The following CNTNAP5 variants were observed in gnomAD, a reference collection of about 807,000 sequenced individuals.
The protein encoded by CNTNAP5 is contactin associated protein family member 5, also known as contactin-associated protein-like 5.
A neutral mutation model predicts 150.2 loss-of-function variants in CNTNAP5; 72 were observed. The ratio of observed to expected loss-of-function variants is 0.48; its 90% CI spans 0.40 to 0.58. The LOEUF is 0.58. Ranked by LOEUF, CNTNAP5 falls within the 20% of genes least tolerant of loss-of-function variation. The probability of loss-of-function intolerance (pLI) is 0.00; values close to 1 mark genes in which losing one functional copy is unlikely to be tolerated. For missense variants in CNTNAP5, 1,636 were observed against 1,626.2 expected, an observed-to-expected ratio of 1.01 and a Z score of -0.10; for synonymous variants, 672 against 619.8, an observed-to-expected ratio of 1.08 and a Z score of -1.25.
chr2:124,707,417 T>A (rs1050136333), intron 13 of CNTNAP5, among the ~76,000 whole-genome samples: 20 of 152,198 alleles, frequency 1.3e-4, no homozygotes, highest in African/African-American at 4.6e-4. Context: ...GGAATAAAAA[T>A]ACCTCTAGAA....
chr2:124,794,862 G>T (rs1286452087), intron 18 of CNTNAP5, among the ~76,000 whole-genome samples: 1 of 152,042 alleles, frequency 6.6e-6, no homozygotes, highest in South Asian at 2.1e-4. Context: ...ATTGCTAAAA[G>T]ATAAGCACTC....
chr2:124,808,747 G>A (rs1373845517), intron 19 of CNTNAP5, among the ~76,000 whole-genome samples: 1 of 152,150 alleles, frequency 6.6e-6, no homozygotes, highest in African/African-American at 2.4e-5. Context: ...GGCTGCCTCT[G>A]CCCCAATGTT....
chr2:124,145,648 G>T (rs1245551754), intron 1 of CNTNAP5, among the ~76,000 whole-genome samples: 33 of 61,458 alleles, frequency 5.4e-4, no homozygotes, highest in Non-Finnish European at 7.7e-4. Context: ...CTGTGGTGGG[G>T]TCGGGGGAGG....
intron 4 of CNTNAP5, among the ~76,000 whole-genome samples, chr2:124,426,741 C>T (rs1205093414): frequency 6.6e-6 from 1 of 152,196 alleles, no homozygotes; most frequent in Non-Finnish European, 1.5e-5. Flanking sequence ...TGACAAGCTA[C>T]CAACATCCAT....
chr2:124,728,561 ATGAATGTAAAATATCT>A (rs1310219068), intron 13 of CNTNAP5, among the ~76,000 whole-genome samples: 1 of 152,100 alleles, frequency 6.6e-6, no homozygotes, highest in African/African-American at 2.4e-5. Context: ...CTTTATTTCA[ATGAATGTAAAATATCT>A]TTAAATATTT....
intron 2 of CNTNAP5, 52 bp from the exon 3 acceptor site, chr2:124,242,148 C>T (rs574701074): frequency 7.3e-7 from 1 of 1,363,660 alleles, no homozygotes; most frequent in Admixed American, 2.1e-5. Context: ...AAAATTGTAG[C>T]TATGTGAGAC....
chr2:124,598,653 G>C (rs1352055024), intron 11 of CNTNAP5, among the ~76,000 whole-genome samples: 9 of 151,126 alleles, frequency 6.0e-5, no homozygotes, highest in Admixed American at 3.9e-4. Flanking sequence ...AGGCCTCCTT[G>C]AGCTGTGGTG....
chr2:124,327,674 C>G (rs967477967), intron 3 of CNTNAP5, among the ~76,000 whole-genome samples: 1 of 152,148 alleles, frequency 6.6e-6, no homozygotes, highest in Non-Finnish European at 1.5e-5. Flanking sequence ...CTCTTTCAAC[C>G]AATTGCCAAT....
chr2:124,395,773 A>G (rs767814612), intron 3 of CNTNAP5, among the ~76,000 whole-genome samples: 1 of 152,172 alleles, frequency 6.6e-6, no homozygotes, highest in Non-Finnish European at 1.5e-5. Context: ...ATATATTTAT[A>G]TGTCTACACA....
chr2:124,656,683 C>T (rs1678464583), intron 13 of CNTNAP5, among the ~76,000 whole-genome samples: 2 of 152,292 alleles, frequency 1.3e-5, no homozygotes, highest in South Asian at 2.1e-4. Context: ...GCTGTTCAGA[C>T]CATGAATTAT....
At chr2:124,722,971 T>C (rs1023025184) in intron 13 of CNTNAP5, among the ~76,000 whole-genome samples, 4 of 152,188 alleles carry the variant, frequency 2.6e-5, no homozygotes, top group African/African-American at 9.6e-5. Context: ...ATTCATAGCT[T>C]CCTGGGAGGT....
chr2:124,844,957 G>A (rs182599266), intron 19 of CNTNAP5, among the ~76,000 whole-genome samples: 33 of 151,966 alleles, frequency 2.2e-4, no homozygotes, highest in African/African-American at 7.3e-4. Flanking sequence ...TACCAATTTG[G>A]ATGCCCTTTA....
At chr2:124,701,487 G>A (rs1257495076) in intron 13 of CNTNAP5, among the ~76,000 whole-genome samples, 1 of 152,126 alleles carries the variant, frequency 6.6e-6, no homozygotes, top group African/African-American at 2.4e-5. Flanking sequence ...CTGTAAGCAT[G>A]GGAGATCAGA....
chr2:124,398,480 C>CTTTATTTATTTA (rs71394036), intron 3 of CNTNAP5, among the ~76,000 whole-genome samples: 58,529 of 147,724 alleles, frequency 0.4, 12,937 homozygotes, highest in South Asian at 0.51. Flanking sequence ...GAAATTTTTA[C>CTTTATTTATTTA]TTTATTTATT....
intron 6 of CNTNAP5, among the ~76,000 whole-genome samples, chr2:124,451,057 T>A (rs1338293776): frequency 4.3e-3 from 245 of 56,834 alleles, no homozygotes; most frequent in African/African-American, 9.8e-3. Context: ...AAAAAATATA[T>A]ATATATATAT....
rs142376591 is a variant in CNTNAP5 at position 124,671,790 on chromosome 2, C to T, written c.2077+23832C>T. Among the ~76,000 whole-genome samples the T allele has an allele frequency of 9.6e-3, 1,468 of 152,198 alleles. 10 individuals are homozygous for T. The highest frequency in any genetic ancestry group is 0.015 in the Non-Finnish European group (1,053 of 68,012). Reference sequence around the variant, plus strand: ...AAGTACCTGTGATTACAGGTGTGCACCACCATGCCTGGCTAGTTTTTGTAT... The same window carrying T: ...AAGTACCTGTGATTACAGGTGTGCATCACCATGCCTGGCTAGTTTTTGTAT... On this transcript the variant is annotated intron_variant, in intron 13 of 23. Transcript: ENST00000682447.
At chr2:124,869,421 A>G (rs1042891591) in intron 20 of CNTNAP5, among the ~76,000 whole-genome samples, 2 of 152,194 alleles carry the variant, frequency 1.3e-5, no homozygotes, top group Non-Finnish European at 2.9e-5. Context: ...ATAAATACCT[A>G]TAAAACGCTG....
chr2:124,756,256 A>G (rs10084437), intron 14 of CNTNAP5, among the ~76,000 whole-genome samples: 91,709 of 152,090 alleles, frequency 0.6, 28,517 homozygotes, highest in East Asian at 0.96. Flanking sequence ...TTAAAAAGCC[A>G]TGAAAACAAC....
intron 13 of CNTNAP5, among the ~76,000 whole-genome samples, chr2:124,746,784 A>G (rs890775539): frequency 6.6e-6 from 1 of 152,144 alleles, no homozygotes; most frequent in African/African-American, 2.4e-5. Flanking sequence ...TTTGAAATTC[A>G]TATATTAAAA....
Sources: allele counts gnomAD v4.1 joint callset (sites outside exome capture counted in the v4.1 genomes callset), GRCh38; gene constraint gnomAD v4.1.1; transcripts MANE v1.5; gene names NCBI Gene and HGNC (gene_info 2026-07-23, HGNC 2026-07-21).